The following SETBP1 variants were observed in gnomAD, a reference collection of about 807,000 sequenced individuals.
SETBP1 encodes the protein SET binding protein 1.
In SETBP1, 9 loss-of-function variants were observed where a neutral mutation model predicts 101.0. The observed-to-expected ratio is 0.09, with a 90% CI of 0.05 to 0.16. The LOEUF is 0.16. Among genes scored for constraint, SETBP1 ranks in the 10% least tolerant of loss-of-function variants. SETBP1 has a pLI of 1.00. For synonymous variants in SETBP1, 818 were observed against 788.5 expected, an observed-to-expected ratio of 1.04 and a Z score of -0.63; for missense variants, 1,858 against 2,033.8, an observed-to-expected ratio of 0.91 and a Z score of 1.66.
At chr18:45,025,937 G>C (rs1387694254) in intron 4 of SETBP1, among the ~76,000 whole-genome samples, 1 of 152,184 alleles carries the variant, frequency 6.6e-6, no homozygotes, top group South Asian at 2.1e-4. Flanking sequence ...GTGCACGCAT[G>C]CACTAAGTTC....
intron 2 of SETBP1, among the ~76,000 whole-genome samples, chr18:44,830,192 AG>A (rs1194918099): frequency 6.6e-6 from 1 of 152,202 alleles, no homozygotes; most frequent in Non-Finnish European, 1.5e-5. Context: ...AAAAGGGAGA[AG>A]AGGGGAGGTG....
At chr18:44,944,520 G>C (rs2071158403) in intron 3 of SETBP1, among the ~76,000 whole-genome samples, 1 of 152,112 alleles carries the variant, frequency 6.6e-6, no homozygotes, top group African/African-American at 2.4e-5. Context: ...GGTCTACAGT[G>C]GGCCCCAGTA....
intron 3 of SETBP1, among the ~76,000 whole-genome samples, chr18:44,886,752 A>ATTT (rs923145267): frequency 1.0e-5 from 1 of 98,822 alleles, no homozygotes; most frequent in East Asian, 2.6e-4. Flanking sequence ...TGGACTGTAC[A>ATTT]TTTTATTATT....
At chr18:44,686,799 G>A (rs537171403) in intron 1 of SETBP1, among the ~76,000 whole-genome samples, 9 of 152,036 alleles carry the variant, frequency 5.9e-5, no homozygotes, top group South Asian at 4.2e-4. Flanking sequence ...GCTACCTTTC[G>A]GGGGTAATCA....
rs762694938 is a variant in SETBP1 at position 44,682,011 on chromosome 18, CT to C, written c.-173+991del. ...CCCCTTAAAGTTTAGTTGGAGTCCA[CT>C]GGCGTTGATTGTTTTTCTCTTACAT... On this transcript the variant is annotated intron_variant, in intron 1 of 5. Coordinates refer to ENST00000649279, the MANE Select transcript of SETBP1 (RefSeq NM_015559.3). Among the ~76,000 whole-genome samples, 155 of 152,312 alleles carry C rather than the reference CT, an allele frequency of 1.0e-3. 1 individual carries two copies. The Middle Eastern group carries it at 0.01, about 10-fold the overall frequency.
chr18:44,730,703 A>G (rs2069821052), intron 2 of SETBP1, among the ~76,000 whole-genome samples: 1 of 152,194 alleles, frequency 6.6e-6, no homozygotes, highest in South Asian at 2.1e-4. Context: ...TAAGAGAGAC[A>G]TCAAAAGGAG....
chr18:45,059,432 C>T (rs2073857305), intron 5 of SETBP1, among the ~76,000 whole-genome samples: 1 of 152,136 alleles, frequency 6.6e-6, no homozygotes, highest in South Asian at 2.1e-4. Flanking sequence ...ACAGTTTGTT[C>T]CAATTGTCAT....
chr18:44,836,617 A>G (rs1480848748), intron 2 of SETBP1, among the ~76,000 whole-genome samples: 1 of 152,156 alleles, frequency 6.6e-6, no homozygotes, highest in Non-Finnish European at 1.5e-5. Context: ...TTTCAAATTA[A>G]TTCTTCGTCA....
At chr18:44,692,882 G>C (rs981283772) in intron 1 of SETBP1, among the ~76,000 whole-genome samples, 6 of 152,196 alleles carry the variant, frequency 3.9e-5, no homozygotes, top group Admixed American at 1.3e-4. Context: ...TGCAGCTTAC[G>C]AGATGCTGCT....
chr18:45,036,220 C>G (rs2073393625), intron 4 of SETBP1, among the ~76,000 whole-genome samples: 1 of 151,592 alleles, frequency 6.6e-6, no homozygotes, highest in African/African-American at 2.4e-5. Flanking sequence ...GTAGTCCCAG[C>G]TACTCGGGAG....
chr18:44,963,997 A>G (rs2071669472), intron 4 of SETBP1, among the ~76,000 whole-genome samples: 1 of 93,424 alleles, frequency 1.1e-5, no homozygotes, highest in Non-Finnish European at 2.3e-5. Context: ...AAAACAAAAG[A>G]GAGATCCATG....
chr18:44,742,945 CCTT>C (rs1247231505), intron 2 of SETBP1, among the ~76,000 whole-genome samples: 1 of 150,768 alleles, frequency 6.6e-6, no homozygotes, highest in African/African-American at 2.4e-5. Flanking sequence ...GGCTCTCCCT[CCTT>C]CTCTCTCTCT....
chr18:44,788,790 A>ATTTTTTTTTTTTTT (rs34929410), intron 2 of SETBP1, among the ~76,000 whole-genome samples: 1 of 80,434 alleles, frequency 1.2e-5, no homozygotes, highest in Non-Finnish European at 2.2e-5. Flanking sequence ...TTCCTTTTTA[A>ATTTTTTTTTTTTTT]TTTTTTTTTT....
At chr18:44,808,194 G>A (rs1338231711) in intron 2 of SETBP1, among the ~76,000 whole-genome samples, 1 of 152,146 alleles carries the variant, frequency 6.6e-6, no homozygotes, top group Admixed American at 6.6e-5. Flanking sequence ...CCACACGATT[G>A]TAAATTAGTT....
At chr18:44,745,246 G>C (rs1369691529) in intron 2 of SETBP1, among the ~76,000 whole-genome samples, 1 of 152,120 alleles carries the variant, frequency 6.6e-6, no homozygotes, top group African/African-American at 2.4e-5. Flanking sequence ...TTATATACTT[G>C]TGTATGTACA....
intron 5 of SETBP1, among the ~76,000 whole-genome samples, chr18:45,047,543 C>T (rs2073637450): frequency 6.6e-6 from 1 of 152,104 alleles, no homozygotes; most frequent in South Asian, 2.1e-4. Context: ...GAAGGGGGCA[C>T]TGTGCATTGG....
Position 44,900,013 on chromosome 18 carries a change from A to G in SETBP1, c.540+30730A>G, listed in dbSNP as rs866897811. On this transcript the variant is annotated intron_variant, in intron 3 of 5. Transcript: ENST00000649279. Reference sequence around the variant, plus strand: ...TGTAGCTTGAAAGCAGTCATAGATCATGCAATAATGAATGGGTGCATCTGT... The same window carrying G: ...TGTAGCTTGAAAGCAGTCATAGATCGTGCAATAATGAATGGGTGCATCTGT... Among the ~76,000 whole-genome samples the G allele has an allele frequency of 2.0e-5, 3 of 152,220 alleles. No homozygotes were observed. In the South Asian group the frequency reaches 6.2e-4, roughly 32 times the overall value.
At chr18:44,720,533 C>T (rs1054061920) in intron 2 of SETBP1, among the ~76,000 whole-genome samples, 1 of 152,160 alleles carries the variant, frequency 6.6e-6, no homozygotes, top group African/African-American at 2.4e-5. Context: ...GCAGAGCCAT[C>T]GCTCCCAGTT....
At chr18:44,826,287 C>T (rs533068191) in intron 2 of SETBP1, among the ~76,000 whole-genome samples, 25 of 152,178 alleles carry the variant, frequency 1.6e-4, no homozygotes, top group Non-Finnish European at 2.8e-4. Context: ...ACCCCTTTTT[C>T]GCCTCTCCTG....
Sources: allele counts gnomAD v4.1 joint callset (sites outside exome capture counted in the v4.1 genomes callset), GRCh38; gene constraint gnomAD v4.1.1; transcripts MANE v1.5; gene names NCBI Gene and HGNC (gene_info 2026-07-23, HGNC 2026-07-21).